The following NAA11 variants were observed in gnomAD, a reference collection of about 807,000 sequenced individuals.
The protein encoded by NAA11 is N-alpha-acetyltransferase 11, NatA catalytic subunit.
Under a neutral mutation model 16.1 loss-of-function variants are expected in NAA11, and 15 were observed. The ratio of observed to expected loss-of-function variants is 0.93; its 90% CI spans 0.62 to 1.44. The LOEUF is 1.44. NAA11 is among the 40% of genes most tolerant of loss of function. NAA11 has a pLI of 0.00. For synonymous variants in NAA11, 122 were observed against 112.4 expected (o/e 1.09, Z -0.54); for missense variants, 298 against 291.3 (o/e 1.02, Z -0.17).
the NAA11 span, among the ~76,000 whole-genome samples, chr4:79,204,495 C>CT: frequency 1.3e-5 from 2 of 151,304 alleles, no homozygotes; most frequent in Non-Finnish European, 3.0e-5. Flanking sequence ...TCCTTTCCCT[C>CT]TTTTTTCCTG....
the NAA11 span, among the ~76,000 whole-genome samples, chr4:79,204,149 C>T: frequency 6.6e-6 from 1 of 151,744 alleles, no homozygotes; most frequent in East Asian, 1.9e-4. Flanking sequence ...GGTAATTCTT[C>T]TACTAGAAAT....
At chr4:79,303,933 T>C (rs1418208108) in intron 1 of NAA11, among the ~76,000 whole-genome samples, 1 of 152,200 alleles carries the variant, frequency 6.6e-6, no homozygotes, top group Non-Finnish European at 1.5e-5. Flanking sequence ...CACATTTTTG[T>C]TTTTAATATA....
At chr4:79,308,817 G>C (rs1723668747) in intron 1 of NAA11, 2 of 151,932 alleles carry the variant, frequency 1.3e-5, no homozygotes, top group South Asian at 4.1e-4. Flanking sequence ...TCTCATGATT[G>C]AGTTTCATTT....
intron 2 of NAA11, among the ~76,000 whole-genome samples, chr4:79,248,993 C>A (rs933962926): frequency 2.0e-5 from 3 of 151,806 alleles, no homozygotes; most frequent in African/African-American, 4.8e-5. Flanking sequence ...GCACTTGAGC[C>A]CCCCCCCAGT....
chr4:79,270,041 C>G (rs1466562847), intron 2 of NAA11, among the ~76,000 whole-genome samples: 1 of 151,112 alleles, frequency 6.6e-6, no homozygotes, highest in Non-Finnish European at 1.5e-5. Flanking sequence ...TCTGAGGGCT[C>G]TGTTCTGTTC....
chr4:79,163,832 T>G, the NAA11 span, among the ~76,000 whole-genome samples: 57 of 152,294 alleles, frequency 3.7e-4, no homozygotes, highest in African/African-American at 1.3e-3. Context: ...TTTGTTATAT[T>G]TATTGGAGAT....
chr4:79,231,231 G>A (rs994940909), intron 2 of NAA11, among the ~76,000 whole-genome samples: 1 of 151,936 alleles, frequency 6.6e-6, no homozygotes, highest in Non-Finnish European at 1.5e-5. Flanking sequence ...CTACTGGTTT[G>A]GCAGAGTGAT....
chr4:79,261,077 TTTAAA>T (rs1483816429), intron 2 of NAA11, among the ~76,000 whole-genome samples: 1 of 152,180 alleles, frequency 6.6e-6, no homozygotes, highest in African/African-American at 2.4e-5. Flanking sequence ...TGATATATGG[TTTAAA>T]TTAATGTCTT....
At chr4:79,214,090 T>C in the NAA11 span, among the ~76,000 whole-genome samples, 1 of 152,186 alleles carries the variant, frequency 6.6e-6, no homozygotes, top group Non-Finnish European at 1.5e-5. Flanking sequence ...TTGACAAATG[T>C]TCCAAATGCC....
the NAA11 span, among the ~76,000 whole-genome samples, chr4:79,185,133 A>C: frequency 1.3e-5 from 2 of 152,058 alleles, no homozygotes; most frequent in South Asian, 4.2e-4. Context: ...TTTTTTATTC[A>C]TTGTAGGTTC....
At chr4:79,304,697 T>G (rs936215603) in intron 1 of NAA11, among the ~76,000 whole-genome samples, 3 of 152,174 alleles carry the variant, frequency 2.0e-5, no homozygotes, top group African/African-American at 7.2e-5. Flanking sequence ...GGGATTTTTA[T>G]ATGGTCACAC....
intron 1 of NAA11, among the ~76,000 whole-genome samples, chr4:79,304,226 T>C (rs1348516636): frequency 6.6e-6 from 1 of 152,178 alleles, no homozygotes; most frequent in Non-Finnish European, 1.5e-5. Flanking sequence ...GTTAAAAAAT[T>C]ATGGTCTACA....
At chr4:79,254,649 T>C (rs1490674783) in intron 2 of NAA11, among the ~76,000 whole-genome samples, 2 of 150,506 alleles carry the variant, frequency 1.3e-5, no homozygotes, top group Non-Finnish European at 3.0e-5. Context: ...CCTTTTCTTT[T>C]TTTTTTTTTT....
At chr4:79,295,145 C>T (rs1723180327) in intron 1 of NAA11, among the ~76,000 whole-genome samples, 1 of 152,186 alleles carries the variant, frequency 6.6e-6, no homozygotes, top group Non-Finnish European at 1.5e-5. Flanking sequence ...CCAAATACTG[C>T]TTCACTGTAA....
At chr4:79,313,253 C>T (rs141082529), downstream of NAA11, among the ~76,000 whole-genome samples, 97 of 152,188 alleles carry the variant, frequency 6.4e-4, 1 homozygote, top group African/African-American at 2.1e-3. Flanking sequence ...AATTACAATG[C>T]AGGTTTTTTT....
chr4:79,159,496 T>A, the NAA11 span, among the ~76,000 whole-genome samples: 33 of 152,146 alleles, frequency 2.2e-4, 1 homozygote, highest in Admixed American at 4.6e-4. Flanking sequence ...AATGTAAACA[T>A]CACTATTTTA....
intron 1 of NAA11, among the ~76,000 whole-genome samples, chr4:79,297,332 G>A (rs181255349): frequency 7.9e-5 from 12 of 152,282 alleles, no homozygotes; most frequent in African/African-American, 2.9e-4. Context: ...AGGCACAGAG[G>A]AGTGGACAGA....
intron 1 of NAA11, chr4:79,307,313 G>A (rs1723620855): frequency 6.6e-6 from 1 of 152,144 alleles, no homozygotes; most frequent in Non-Finnish European, 1.5e-5. Flanking sequence ...GAGAACAGAT[G>A]ATTTGTCTTT....
At chr4:79,311,876 C>T (rs1723780726), downstream of NAA11, among the ~76,000 whole-genome samples, 3 of 152,158 alleles carry the variant, frequency 2.0e-5, no homozygotes, top group Admixed American at 2.0e-4. Context: ...AGATTATTGC[C>T]TTTCAAGGGC....
Sources: gnomAD v4.1 joint callset for allele counts (sites outside exome capture counted in the v4.1 genomes callset) on GRCh38, gnomAD v4.1.1 for gene constraint, MANE v1.5 for transcripts, NCBI Gene and HGNC (gene_info 2026-07-23, HGNC 2026-07-21) for gene names.